The following FSIP2 variants were observed in gnomAD, a reference collection of about 807,000 sequenced individuals.
The protein encoded by FSIP2 is fibrous sheath-interacting protein 2.
FSIP2 carries 367 observed loss-of-function variants against 510.5 expected under a neutral mutation model. That is an observed-to-expected ratio of 0.72 (90% confidence interval 0.66 to 0.78). FSIP2 has a LOEUF of 0.78. Among genes scored for constraint, FSIP2 ranks in the 30% least tolerant of loss-of-function variants. The pLI is 0.00. For synonymous variants in FSIP2, 2,601 were observed against 2,732.2 expected (o/e 0.95, Z 1.50); for missense variants, 7,594 against 7,901.7 (o/e 0.96, Z 1.48).
chr2:185,738,704 T>G, upstream of FSIP2: 1 of 1,536,080 alleles, frequency 6.5e-7, no homozygotes, highest in South Asian at 1.2e-5. Context: ...CTCTACGCGC[T>G]GGCGCGAGCC....
chr2:185,816,077 C>G (rs1403675588), intron 19 of FSIP2, among the ~76,000 whole-genome samples: 1 of 151,948 alleles, frequency 6.6e-6, no homozygotes, highest in Non-Finnish European at 1.5e-5. Flanking sequence ...ATTCATAACT[C>G]TATCAAGAAT....
Position 185,797,292 on chromosome 2 carries a change from G to T in FSIP2, c.10156G>T (p.Asp3386Tyr), listed in dbSNP as rs1309371005. Residue 3386 changes from aspartate to tyrosine, a missense_variant, in exon 16 of 23, where the codon GAT (aspartate) becomes TAT (tyrosine). By Grantham distance (160) the Asp-to-Tyr change is radical. Coordinates refer to ENST00000424728, the MANE Select transcript of FSIP2 (RefSeq NM_173651.4). ...CGAAAAAAGTTTGCTTAGAATGCAGGATAAAAAAATCAACTATATACCTGA... is the reference window on the plus strand; with the variant it reads ...CGAAAAAAGTTTGCTTAGAATGCAGTATAAAAAAATCAACTATATACCTGA... ...DNEKSLLRMQ[D>Y]KKINYIPEEE... 6.5e-7 allele frequency: 1 copy of T among 1,532,338 alleles called. No individual in the cohort carries two copies. Among genetic ancestry groups the T allele is most frequent in the East Asian group, 2.4e-5 (1 of 40,844 alleles). 94.9% of individuals were successfully genotyped at this position (1,532,338 alleles called of 1,614,324 possible). A position where few individuals can be genotyped will look rare whatever the true frequency, so the allele number is the denominator to read the frequency against.
In FSIP2 at chr2:185,763,266, T is replaced by C; in HGVS notation, c.1324T>C (p.Phe442Leu). Residue 442 changes from phenylalanine (F) to leucine (L), a missense_variant, in exon 12 of 23, where the codon TTT (phenylalanine) becomes CTT (leucine). Coordinates refer to ENST00000424728, the MANE Select transcript of FSIP2 (RefSeq NM_173651.4). ...TRNFSRVSQA[F>L]LDPSKEEKET... ...AAATTTTTCCAGAGTTTCACAGGCA[T>C]TTTTGGATCCTTCAAAAGAAGAGGT... 1 of 1,489,216 alleles carries C rather than the reference T, an allele frequency of 6.7e-7. No homozygotes were observed. The highest frequency in any genetic ancestry group is 1.2e-5 in the South Asian group (1 of 83,062). The allele number at this position is 1,489,216 out of a possible 1,614,324, so 92.3% of individuals were successfully genotyped here. A position where few individuals can be genotyped will look rare whatever the true frequency, so the allele number is the denominator to read the frequency against.
rs373590222 is a variant in FSIP2 at position 185,801,723 on chromosome 2, A to C, written c.12417A>C (p.Ser4139=). The C allele has an allele frequency of 6.5e-7, 1 of 1,530,680 alleles. No homozygotes were observed. The highest frequency in any genetic ancestry group is 1.2e-5 in the South Asian group (1 of 83,068). 94.8% of individuals were successfully genotyped at this position (1,530,680 alleles called of 1,614,324 possible). A position where few individuals can be genotyped will look rare whatever the true frequency, so the allele number is the denominator to read the frequency against. ...RSSSDYSTML[S]HSFLEDVIRR... ...CATCAGACTATAGTACCATGTTATC[A>C]CATTCATTTTTAGAAGATGTCATAA... The change falls in exon 17 of 23, where the codon TCA becomes TCC. Residue 4139 remains serine (S), a synonymous_variant. Coordinates refer to ENST00000424728, the MANE Select transcript of FSIP2 (RefSeq NM_173651.4).
At position 185,800,487 on chromosome 2, in the gene FSIP2, C is replaced by A; in HGVS notation, c.11181C>A (p.Phe3727Leu). ...MDSGKIQRTY[F>L]YSSNNEQPNS... is the part of the protein sequence containing the mutation. ...CTGGTAAAATACAAAGAACATATTT[C>A]TACTCCTCGAATAATGAGCAACCTA... Residue 3727 changes from phenylalanine (F) to leucine (L), a missense_variant, in exon 17 of 23, where the codon TTC becomes TTA. By Grantham distance (22) the Phe-to-Leu change is conservative (BLOSUM62 0). Transcript: ENST00000424728. 6.5e-7 allele frequency: 1 copy of A among 1,533,220 alleles called. No homozygotes were observed. 95.0% of individuals were successfully genotyped at this position (1,533,220 alleles called of 1,614,324 possible).
chr2:185,816,892 A>G (rs1693836176), intron 19 of FSIP2, among the ~76,000 whole-genome samples: 1 of 151,176 alleles, frequency 6.6e-6, no homozygotes, highest in Non-Finnish European at 1.5e-5. Flanking sequence ...GACGAAAGAA[A>G]GAGAAAGAAA....
chr2:185,752,826 T>G (rs967706771), intron 7 of FSIP2, among the ~76,000 whole-genome samples: 3 of 151,514 alleles, frequency 2.0e-5, no homozygotes, highest in African/African-American at 7.3e-5. Flanking sequence ...CATATTCCCC[T>G]GCTTCTTTAC....
Position 185,800,652 on chromosome 2 carries a change from A to G in FSIP2, c.11346A>G (p.Glu3782=). The part of the protein sequence containing the change: ...AFPDKGSVSE[E]TSAEECQLLK... The stretch of plus-strand genomic sequence containing the variant: ...CTGATAAAGGGTCTGTTTCAGAGGA[A>G]ACATCAGCAGAAGAATGTCAACTTT... Residue 3782 remains glutamate, a synonymous_variant, in exon 17 of 23, where the codon GAA becomes GAG. Transcript: ENST00000424728. 6.5e-7 allele frequency: 1 copy of G among 1,534,186 alleles called. No individual in the cohort carries two copies. The highest frequency in any genetic ancestry group is 8.7e-7 in the Non-Finnish European group (1 of 1,145,660).
chr2:185,780,111 T>C (rs1044110473), intron 13 of FSIP2, among the ~76,000 whole-genome samples: 13 of 152,074 alleles, frequency 8.5e-5, no homozygotes, highest in African/African-American at 3.1e-4. Flanking sequence ...TATTTTACTT[T>C]TTATTCTATG....
Position 185,800,777 on chromosome 2 carries a change from A to T in FSIP2, c.11471A>T (p.Glu3824Val). ...GTAGATTACATGTCAGACCTTTTGGAGAATGTGGCAGAAATTGATCAAGAC... is the reference window on the plus strand; with the variant it reads ...GTAGATTACATGTCAGACCTTTTGGTGAATGTGGCAGAAATTGATCAAGAC... ...LQVDYMSDLL[E>V]NVAEIDQDLL... The change falls in exon 17 of 23, where the codon GAG becomes GTG. Residue 3824 changes from glutamate (E) to valine (V), a missense_variant. Transcript: ENST00000424728. The T allele has an allele frequency of 6.5e-7, 1 of 1,534,138 alleles. No homozygotes were observed.
chr2:185,788,871 T>C lies in FSIP2; in HGVS notation c.1735T>C (p.Phe579Leu). 1 of 1,534,928 alleles carries C rather than the reference T, an allele frequency of 6.5e-7. No individual in the cohort carries two copies. The highest frequency in any genetic ancestry group is 2.4e-5 in the East Asian group (1 of 40,860). Residue 579 changes from phenylalanine (F) to leucine (L), a missense_variant, in exon 16 of 23, where the codon TTT becomes CTT. Physicochemically the swap from Phe to Leu is conservative, Grantham distance 22 (BLOSUM62 0). Transcript: ENST00000424728. ...RSYTSATTKT[F>L]QAEPCAFVVD... is the part of the protein sequence containing the mutation. ...CTACACATCTGCAACAACTAAAACA[T>C]TTCAGGCAGAACCCTGTGCATTTGT... is the stretch of plus-strand genomic sequence containing the variant.
chr2:185,743,186 G>A lies in FSIP2; in HGVS notation c.279G>A (p.Leu93=). 1.3e-6 allele frequency: 2 copies of A among 1,527,406 alleles called. No homozygotes were observed. The highest frequency in any genetic ancestry group is 1.7e-6 in the Non-Finnish European group (2 of 1,143,446). The allele number at this position is 1,527,406 out of a possible 1,614,324, so 94.6% of individuals were successfully genotyped here. The part of the protein sequence containing the change: ...FNLTDPYCRL[L]ENQYKSLHDP... ...TGACTGATCCCTATTGTCGACTTTT[G>A]GAAAACCAATATAAAAGCCTCCATG... is the stretch of plus-strand genomic sequence containing the variant. Residue 93 remains leucine (L), a synonymous_variant, in exon 3 of 23, where the codon TTG becomes TTA. Coordinates refer to ENST00000424728, the MANE Select transcript of FSIP2 (RefSeq NM_173651.4).
intron 8 of FSIP2, among the ~76,000 whole-genome samples, chr2:185,754,184 G>C (rs188081792): frequency 6.6e-6 from 1 of 150,828 alleles, no homozygotes; most frequent in East Asian, 2.0e-4. Flanking sequence ...TTGACAACCA[G>C]TAAGAAAGGG....
chr2:185,739,247 A>G, intron 1 of FSIP2, 99 bp from the exon 2 acceptor site: 1 of 1,301,334 alleles, frequency 7.7e-7, no homozygotes, highest in African/African-American at 1.5e-5. Flanking sequence ...CTGATTGTAT[A>G]ATTCTTCGGA....
chr2:185,759,485 A>G (rs2105553883), intron 9 of FSIP2, among the ~76,000 whole-genome samples: 1 of 144,390 alleles, frequency 6.9e-6, no homozygotes, highest in South Asian at 2.1e-4. Flanking sequence ...ATATTCACAT[A>G]TATTTATATT....
intron 22 of FSIP2, among the ~76,000 whole-genome samples, chr2:185,832,278 A>G (rs1357148952): frequency 6.6e-6 from 1 of 152,034 alleles, no homozygotes; most frequent in African/African-American, 2.4e-5. Context: ...ACAAATAGTT[A>G]TATGAGCAAG....
At chr2:185,762,875 A>G (rs1322432412) in intron 11 of FSIP2, among the ~76,000 whole-genome samples, 1 of 151,538 alleles carries the variant, frequency 6.6e-6, no homozygotes, top group African/African-American at 2.4e-5. Context: ...TCAAATGCAA[A>G]AAGTTAATTC....
rs1017453463 is a variant in FSIP2 at position 185,789,695 on chromosome 2, C to T, written c.2559C>T (p.Cys853=). Residue 853 remains cysteine, a synonymous_variant, in exon 16 of 23, where the codon TGC becomes TGT. Transcript: ENST00000424728. ...LHLKDTNKLS[C]QQHKTDPICM... is the part of the protein sequence containing the mutation. ...TTAAAGACACAAATAAGCTTTCCTG[C>T]CAGCAACATAAGACAGACCCAATAT... The T allele has an allele frequency of 2.6e-6, 4 of 1,533,672 alleles. No homozygotes were observed. The highest frequency in any genetic ancestry group is 1.4e-5 in the African/African-American group (1 of 72,816).
Position 185,807,147 on chromosome 2 carries a change from A to G in FSIP2, c.17841A>G (p.Arg5947=). The G allele has an allele frequency of 6.2e-7, 1 of 1,601,894 alleles. No individual in the cohort carries two copies. Among genetic ancestry groups the G allele is most frequent in the African/African-American group, 1.3e-5 (1 of 74,186 alleles). The change falls in exon 17 of 23, where the codon AGA becomes AGG. Residue 5947 remains arginine, a synonymous_variant. Coordinates refer to ENST00000424728, the MANE Select transcript of FSIP2 (RefSeq NM_173651.4). ...NINSNGENLA[R]RLTSAVINEI... Reference sequence around the variant, plus strand: ...ACAGTAATGGAGAAAATTTAGCAAGAAGACTAACTAGTGCAGTGATAAATG... The same window carrying G: ...ACAGTAATGGAGAAAATTTAGCAAGGAGACTAACTAGTGCAGTGATAAATG...
Sources: gnomAD v4.1 joint callset for allele counts (sites outside exome capture counted in the v4.1 genomes callset) on GRCh38, gnomAD v4.1.1 for gene constraint, MANE v1.5 for transcripts, NCBI Gene and HGNC (gene_info 2026-07-23, HGNC 2026-07-21) for gene names.